NAALADL2: variants seen among roughly 807,000 people sequenced by gnomAD.
NAALADL2 encodes the protein N-acetylated alpha-linked acidic dipeptidase like 2.
Under a neutral mutation model 87.2 loss-of-function variants are expected in NAALADL2, and 76 were observed. That is an observed-to-expected ratio of 0.87 (90% CI 0.72 to 1.05). NAALADL2 has a LOEUF of 1.05. NAALADL2 is among the 50% of genes least tolerant of loss of function. The probability of loss-of-function intolerance (pLI) is 0.00; values close to 1 mark genes in which losing one functional copy is unlikely to be tolerated. For synonymous variants in NAALADL2, 354 were observed against 331.0 expected, an observed-to-expected ratio of 1.07 and a Z score of -0.75; for missense variants, 1,089 against 945.8, an observed-to-expected ratio of 1.15 and a Z score of -1.99.
chr3:175,547,336 A>G (rs760842948), intron 9 of NAALADL2, among the ~76,000 whole-genome samples: 11 of 152,248 alleles, frequency 7.2e-5, no homozygotes, highest in African/African-American at 1.9e-4. Context: ...TGTTCAACCA[A>G]TGGTCCTGGG....
chr3:175,085,066 A>G (rs1718621810), intron 1 of NAALADL2, among the ~76,000 whole-genome samples: 1 of 152,106 alleles, frequency 6.6e-6, no homozygotes, highest in South Asian at 2.1e-4. Context: ...GGGGAAGTTG[A>G]GTTATGTTCT....
chr3:174,817,667 G>A (rs1221404086), intron 3 of NAALADL2, among the ~76,000 whole-genome samples: 2 of 151,912 alleles, frequency 1.3e-5, no homozygotes, highest in African/African-American at 4.8e-5. Context: ...GGAGTGCATG[G>A]TAATAACATT....
intron 1 of NAALADL2, among the ~76,000 whole-genome samples, chr3:174,972,209 T>G (rs1182042049): frequency 1.3e-5 from 2 of 152,196 alleles, no homozygotes; most frequent in African/African-American, 2.4e-5. Context: ...AGTTAATCAG[T>G]TTTATGAGGG....
At chr3:174,961,983 T>C (rs1231343211) in intron 1 of NAALADL2, among the ~76,000 whole-genome samples, 1 of 120,498 alleles carries the variant, frequency 8.3e-6, no homozygotes, top group African/African-American at 2.6e-5. Context: ...TGTGATGGCA[T>C]GTCACTTCTG....
intron 11 of NAALADL2, among the ~76,000 whole-genome samples, chr3:175,665,140 G>T (rs1274393761): frequency 6.6e-6 from 1 of 152,140 alleles, no homozygotes; most frequent in Non-Finnish European, 1.5e-5. Context: ...ATCCATCAAA[G>T]TTCATGATGT....
At chr3:175,176,132 C>T (rs1735665538) in intron 2 of NAALADL2, among the ~76,000 whole-genome samples, 1 of 152,036 alleles carries the variant, frequency 6.6e-6, no homozygotes, top group African/African-American at 2.4e-5. Context: ...GCATGGGTAA[C>T]ATAATTGTAA....
chr3:174,601,869 T>C (rs13064668), intron 2 of NAALADL2, among the ~76,000 whole-genome samples: 1 of 152,146 alleles, frequency 6.6e-6, no homozygotes, highest in Admixed American at 6.5e-5. Flanking sequence ...CATATGGATA[T>C]CTAGGTTTTC....
chr3:175,081,090 T>G (rs1717717303), intron 1 of NAALADL2: 1 of 152,162 alleles, frequency 6.6e-6, no homozygotes. Flanking sequence ...TCCACGGCTG[T>G]CAGAGCAAGA....
chr3:174,975,279 T>C (rs1244200022), intron 1 of NAALADL2, among the ~76,000 whole-genome samples: 6 of 152,170 alleles, frequency 3.9e-5, no homozygotes, highest in African/African-American at 9.7e-5. Flanking sequence ...TTGACTATGA[T>C]AGTAATTATG....
chr3:174,728,648 G>GT (rs1001452962), intron 2 of NAALADL2, among the ~76,000 whole-genome samples: 25 of 151,952 alleles, frequency 1.6e-4, no homozygotes, highest in African/African-American at 5.3e-4. Context: ...TGATTTATGT[G>GT]TTTTTTTCCC....
chr3:175,015,444 C>T (rs1029601617), intron 1 of NAALADL2, among the ~76,000 whole-genome samples: 6 of 152,204 alleles, frequency 3.9e-5, no homozygotes, highest in African/African-American at 1.2e-4. Flanking sequence ...TGGTCACTCT[C>T]ATGTCACGCT....
chr3:175,271,824 C>T (rs1397244719), intron 4 of NAALADL2, among the ~76,000 whole-genome samples: 1 of 152,034 alleles, frequency 6.6e-6, no homozygotes, highest in Admixed American at 6.6e-5. Context: ...TAAAAAGCCG[C>T]CACTTAAATT....
chr3:175,396,106 A>C (rs2149038985), intron 5 of NAALADL2, among the ~76,000 whole-genome samples: 1 of 152,302 alleles, frequency 6.6e-6, no homozygotes, highest in South Asian at 2.1e-4. Context: ...ATAAAATAAA[A>C]CCCATATATG....
chr3:175,214,990 T>G (rs887637111), intron 2 of NAALADL2, among the ~76,000 whole-genome samples: 1 of 152,166 alleles, frequency 6.6e-6, no homozygotes, highest in African/African-American at 2.4e-5. Flanking sequence ...TATGGTACTT[T>G]AAACTATACG....
At chr3:175,313,070 C>G (rs1338490643) in intron 4 of NAALADL2, among the ~76,000 whole-genome samples, 6 of 152,136 alleles carry the variant, frequency 3.9e-5, no homozygotes, top group Non-Finnish European at 7.4e-5. Context: ...CTCCTAAGGC[C>G]TTTCTCCTAG....
At position 175,630,411 on chromosome 3, in the gene NAALADL2, A is replaced by T. The variant is rs185728330; in HGVS notation, c.1896+3025A>T. Among the ~76,000 whole-genome samples, 9 of 151,896 alleles carry T rather than the reference A, an allele frequency of 5.9e-5. No individual in the cohort carries two copies. The East Asian group carries it at 1.7e-3, about 29-fold the overall frequency. On this transcript the variant is annotated intron_variant, in intron 11 of 13. Coordinates refer to ENST00000454872, the MANE Select transcript of NAALADL2 (RefSeq NM_207015.3). ...CGCTAGGATTCTGTGAGGTTGAAAT[A>T]GATGATGTATACGTTTTCTCTAGAA...
intron 10 of NAALADL2, among the ~76,000 whole-genome samples, chr3:175,591,767 G>GGTGTGTGT (rs1277057893): frequency 1.5e-3 from 70 of 45,352 alleles, no homozygotes; most frequent in African/African-American, 3.8e-3. Context: ...ATGCGCATGT[G>GGTGTGTGT]GTGTGTGTGT....
chr3:175,780,150 C>G (rs1267572159), intron 13 of NAALADL2, among the ~76,000 whole-genome samples: 1 of 151,402 alleles, frequency 6.6e-6, no homozygotes, highest in Non-Finnish European at 1.5e-5. Flanking sequence ...GTGGTGGGCA[C>G]CTGTAGTCCC....
At chr3:175,388,275 A>G (rs1049284211) in intron 5 of NAALADL2, among the ~76,000 whole-genome samples, 15 of 152,138 alleles carry the variant, frequency 9.9e-5, no homozygotes, top group Non-Finnish European at 7.4e-5. Flanking sequence ...CTTTGGATGT[A>G]TACATTTTTC....
Sources: gnomAD v4.1 joint callset for allele counts (sites outside exome capture counted in the v4.1 genomes callset) on GRCh38, gnomAD v4.1.1 for gene constraint, MANE v1.5 for transcripts, NCBI Gene and HGNC (gene_info 2026-07-23, HGNC 2026-07-21) for gene names.